Variants in RPP14 observed in about 807,000 individuals in gnomAD.
The protein encoded by RPP14 is ribonuclease P protein subunit p14.
A neutral mutation model predicts 17.8 loss-of-function variants in RPP14; 19 were observed. The ratio of observed to expected loss-of-function variants is 1.07; its 90% confidence interval spans 0.74 to 1.57. The LOEUF is 1.57. Among genes scored for constraint, RPP14 ranks in the 40% most tolerant of loss-of-function variants. RPP14 has a pLI of 0.00. For synonymous variants in RPP14, 60 were observed against 56.4 expected (o/e 1.06, Z -0.29); for missense variants, 125 against 140.8 (o/e 0.89, Z 0.57).
intron 3 of RPP14, chr3:58,315,931 C>T (rs1232510124): frequency 2.6e-5 from 4 of 152,362 alleles, no homozygotes; most frequent in African/African-American, 9.6e-5. Flanking sequence ...CCTCCTTGGC[C>T]TCCCAAAGTG....
At chr3:58,316,663 G>C in intron 4 of RPP14, 72 bp downstream of exon 4, 1 of 1,333,626 alleles carries the variant, frequency 7.5e-7, no homozygotes, top group South Asian at 1.2e-5. Context: ...GCTCTCTTCT[G>C]AGAATGAGAA....
rs955619649 is a variant in RPP14, at chr3:58,310,711, C to G, written c.162+120C>G. The G allele has an allele frequency of 1.2e-5, 9 of 747,906 alleles. No homozygotes were observed. The African/African-American group carries it at 1.6e-4, about 13-fold the overall frequency. The allele number at this position is 747,906 out of a possible 1,614,324, so 46.3% of individuals were successfully genotyped here. A position where few individuals can be genotyped will look rare whatever the true frequency, so the allele number is the denominator to read the frequency against. On this transcript the variant is annotated intron_variant, in intron 3 of 5. Coordinates refer to ENST00000295959, the MANE Select transcript of RPP14 (RefSeq NM_007042.6). ...ACTTTGGAGGCCGAGGTGGGCAGAT[C>G]ATGAGGTCAAGAGATCGAGACCATC...
intron 1 of RPP14, among the ~76,000 whole-genome samples, chr3:58,307,198 A>G (rs2097476235): frequency 6.6e-6 from 1 of 152,196 alleles, no homozygotes; most frequent in Non-Finnish European, 1.5e-5. Flanking sequence ...AGAGGTGTAG[A>G]GGGAGCAGTC....
chr3:58,310,294 C>A lies in RPP14; in HGVS notation c.-21-15C>A, dbSNP rs368000250. ...ATGTGCATTGGTCATTTCTAGCCCT[C>A]TTGACTTACTGTAGGTGTGATCAGC... On this transcript the variant is annotated splice_polypyrimidine_tract_variant and intron_variant, in intron 1 of 5. Coordinates refer to ENST00000295959, the MANE Select transcript of RPP14 (RefSeq NM_007042.6). 4.1e-5 allele frequency: 65 copies of A among 1,590,396 alleles called. No individual in the cohort carries two copies. The highest frequency in any genetic ancestry group is 5.5e-5 in the Non-Finnish European group (64 of 1,158,984).
intron 3 of RPP14, among the ~76,000 whole-genome samples, chr3:58,311,636 T>A (rs985417741): frequency 5.3e-5 from 8 of 152,082 alleles, no homozygotes; most frequent in South Asian, 2.1e-4. Flanking sequence ...TTTTTTTTTT[T>A]ATCCATTGAT....
Position 58,318,695 on chromosome 3 carries a change from GTTAT to G in RPP14, c.*1203_*1206del, listed in dbSNP as rs1286639001. 1 of 149,850 alleles carries G rather than the reference GTTAT, an allele frequency of 6.7e-6. No homozygotes were observed. Among genetic ancestry groups the G allele is most frequent in the Non-Finnish European group, 1.5e-5 (1 of 67,714 alleles). 9.3% of individuals were successfully genotyped at this position (149,850 alleles called of 1,614,324 possible). A position where few individuals can be genotyped will look rare whatever the true frequency, so the allele number is the denominator to read the frequency against. ...GTCTCAAGAAAGAAGTATTGGGAAG[GTTAT>G]TTAAAGACTCTACTTTTAAATCAGG... On this transcript the variant is annotated 3_prime_UTR_variant, in exon 6 of 6. Transcript: ENST00000295959.
At chr3:58,315,139 A>G (rs2107507438) in intron 3 of RPP14, among the ~76,000 whole-genome samples, 1 of 152,282 alleles carries the variant, frequency 6.6e-6, no homozygotes, top group East Asian at 1.9e-4. Context: ...ATGAAACTGA[A>G]AACACCCCAT....
rs1463361416 is a variant in RPP14, at chr3:58,317,807, C to T, written c.*311C>T. ...TCAGAATTAACAGGGGATGTCAATC[C>T]TTTGCATTTGAATGAAGACTTTGCA... On this transcript the variant is annotated 3_prime_UTR_variant, in exon 6 of 6. Coordinates refer to ENST00000295959, the MANE Select transcript of RPP14 (RefSeq NM_007042.6). 1.4e-6 allele frequency: 1 copy of T among 703,022 alleles called. No individual in the cohort carries two copies. The allele number at this position is 703,022 out of a possible 1,614,324, so 43.5% of individuals were successfully genotyped here.
In RPP14 at chr3:58,318,764, C is replaced by T. The variant is rs1357507903; in HGVS notation, c.*1268C>T. 4 of 151,992 alleles carry T rather than the reference C, an allele frequency of 2.6e-5. No homozygotes were observed. Among genetic ancestry groups the T allele is most frequent in the Non-Finnish European group, 5.9e-5 (4 of 68,048 alleles). The allele number at this position is 151,992 out of a possible 1,614,324, so 9.4% of individuals were successfully genotyped here. A position where few individuals can be genotyped will look rare whatever the true frequency, so the allele number is the denominator to read the frequency against. ...CCTGTAATCCCAGCATTTTGGGAGG[C>T]TGAGGCAGGCGAATCACTTGAGGTC... On this transcript the variant is annotated 3_prime_UTR_variant, in exon 6 of 6. Coordinates refer to ENST00000295959, the MANE Select transcript of RPP14 (RefSeq NM_007042.6).
chr3:58,316,872 C>T, intron 4 of RPP14, 43 bp from the exon 5 acceptor site: 2 of 1,490,214 alleles, frequency 1.3e-6, no homozygotes, highest in Non-Finnish European at 1.9e-6. Context: ...TCATTTTGTT[C>T]TCTGTCTATG....
chr3:58,314,546 C>G (rs1327536619), intron 3 of RPP14, among the ~76,000 whole-genome samples: 1 of 151,894 alleles, frequency 6.6e-6, no homozygotes, highest in Non-Finnish European at 1.5e-5. Context: ...CCACTGTGTA[C>G]CTAGCAGAAT....
At chr3:58,311,136 TTTGTTGTTGTTG>T (rs144147590) in intron 3 of RPP14, among the ~76,000 whole-genome samples, 10,511 of 150,190 alleles carry the variant, frequency 0.07, 469 homozygotes, top group Middle Eastern at 0.09. Context: ...AAATCTACTT[TTTGTTGTTGTTG>T]TTGTTGTTGT....
intron 3 of RPP14, among the ~76,000 whole-genome samples, chr3:58,314,350 C>CA (rs1356059660): frequency 6.6e-6 from 1 of 151,542 alleles, no homozygotes; most frequent in Non-Finnish European, 1.5e-5. Context: ...GACTCTGTCT[C>CA]AAAAAAATAA....
chr3:58,313,027 G>A (rs1178225286), intron 3 of RPP14, among the ~76,000 whole-genome samples: 4 of 150,354 alleles, frequency 2.7e-5, no homozygotes, highest in African/African-American at 7.3e-5. Context: ...ACTTTGGGAG[G>A]CCAAGGCAGG....
chr3:58,315,521 T>C (rs1447770792), intron 3 of RPP14, among the ~76,000 whole-genome samples: 1 of 152,134 alleles, frequency 6.6e-6, no homozygotes, highest in Non-Finnish European at 1.5e-5. Context: ...CAGGTATAAA[T>C]AGGAGTAGAC....
At chr3:58,310,223 A>C (rs1183654296) in intron 1 of RPP14, 86 bp from the exon 2 acceptor site, 6 of 1,074,878 alleles carry the variant, frequency 5.6e-6, no homozygotes, top group African/African-American at 1.6e-5. Context: ...AACAAACAAA[A>C]AAAACCCAAA....
chr3:58,315,204 G>C (rs934134002), intron 3 of RPP14, among the ~76,000 whole-genome samples: 3 of 152,062 alleles, frequency 2.0e-5, no homozygotes, highest in African/African-American at 7.2e-5. Flanking sequence ...GAATATACTC[G>C]ACAGTGAAAA....
chr3:58,309,639 A>T (rs376650073), intron 1 of RPP14, among the ~76,000 whole-genome samples: 1 of 152,230 alleles, frequency 6.6e-6, no homozygotes, highest in Non-Finnish European at 1.5e-5. Flanking sequence ...CACCTGTAAT[A>T]CCGGCACTCT....
chr3:58,314,675 ATTTTT>A (rs751757663), intron 3 of RPP14, among the ~76,000 whole-genome samples: 1 of 90,556 alleles, frequency 1.1e-5, no homozygotes, highest in Non-Finnish European at 1.9e-5. Context: ...GTTTGGCAGT[ATTTTT>A]TTTTTTTTTT....
Sources: allele counts gnomAD v4.1 joint callset (sites outside exome capture counted in the v4.1 genomes callset), GRCh38; gene constraint gnomAD v4.1.1; transcripts MANE v1.5; gene names NCBI Gene and HGNC (gene_info 2026-07-23, HGNC 2026-07-21).